ATL3: variants seen among roughly 807,000 people sequenced by gnomAD.
ATL3 encodes the protein atlastin-3.
In ATL3, 49 loss-of-function variants were observed where a neutral mutation model predicts 69.5. That is an observed-to-expected ratio of 0.71 (90% confidence interval 0.56 to 0.89). The LOEUF is 0.89. Among genes scored for constraint, ATL3 ranks in the 40% least tolerant of loss-of-function variants. ATL3 has a pLI of 0.00. For synonymous variants in ATL3, 214 were observed against 224.1 expected, an observed-to-expected ratio of 0.95 and a Z score of 0.40; for missense variants, 606 against 645.7, an observed-to-expected ratio of 0.94 and a Z score of 0.67.
At chr11:63,653,398 G>T (rs1424900322) in intron 3 of ATL3, among the ~76,000 whole-genome samples, 2 of 151,990 alleles carry the variant, frequency 1.3e-5, no homozygotes, top group African/African-American at 4.8e-5. Flanking sequence ...CCTGGAGGCA[G>T]AGGTTGCAGT....
chr11:63,637,993 CAT>C (rs1321965944), intron 8 of ATL3, among the ~76,000 whole-genome samples: 2 of 152,116 alleles, frequency 1.3e-5, no homozygotes, highest in East Asian at 1.9e-4. Context: ...AAATTTTAAA[CAT>C]GTGAATGTAT....
chr11:63,660,165 A>C (rs1298541245), intron 1 of ATL3, among the ~76,000 whole-genome samples: 1 of 152,170 alleles, frequency 6.6e-6, no homozygotes, highest in African/African-American at 2.4e-5. Flanking sequence ...GTTCACTTAA[A>C]GACTTCAATA....
intron 5 of ATL3, chr11:63,650,586 A>G (rs533841696): frequency 7.9e-5 from 12 of 152,316 alleles, no homozygotes; most frequent in African/African-American, 2.9e-4. Context: ...CAGCCTTGTC[A>G]TGTGAGACAA....
intron 10 of ATL3, among the ~76,000 whole-genome samples, chr11:63,635,314 G>A (rs948833601): frequency 2.0e-5 from 3 of 152,076 alleles, no homozygotes; most frequent in Non-Finnish European, 2.9e-5. Flanking sequence ...GCCCAGTGAG[G>A]AGAGGCCATT....
At chr11:63,671,184 C>T in intron 1 of ATL3, 106 bp downstream of exon 1, 2 of 1,446,392 alleles carry the variant, frequency 1.4e-6, no homozygotes, top group African/African-American at 1.5e-5. Context: ...GTCCCAGCCC[C>T]GGGACGAGGA....
intron 1 of ATL3, among the ~76,000 whole-genome samples, chr11:63,668,213 G>C (rs1363389184): frequency 6.6e-6 from 1 of 152,180 alleles, no homozygotes; most frequent in Non-Finnish European, 1.5e-5. Context: ...ACCCAAAACA[G>C]AGGCATACCA....
intron 1 of ATL3, among the ~76,000 whole-genome samples, chr11:63,659,969 T>G (rs1940372470): frequency 6.6e-6 from 1 of 151,848 alleles, no homozygotes; most frequent in African/African-American, 2.4e-5. Flanking sequence ...GCATGGAACA[T>G]GTATACATAT....
intron 3 of ATL3, among the ~76,000 whole-genome samples, chr11:63,657,350 G>C (rs1163385493): frequency 6.6e-6 from 1 of 152,152 alleles, no homozygotes; most frequent in African/African-American, 2.4e-5. Flanking sequence ...CTGTGGAGAG[G>C]CTCTATGCCC....
chr11:63,666,630 C>T (rs1940581335), intron 1 of ATL3, among the ~76,000 whole-genome samples: 1 of 148,870 alleles, frequency 6.7e-6, no homozygotes, highest in South Asian at 2.3e-4. Context: ...GGGTGGATCG[C>T]ACACCGTGCG....
chr11:63,655,314 C>A (rs557176818), intron 3 of ATL3, among the ~76,000 whole-genome samples: 1 of 152,250 alleles, frequency 6.6e-6, no homozygotes, highest in East Asian at 1.9e-4. Context: ...CCACGCCCAG[C>A]TAATGTTTGT....
chr11:63,659,925 G>A (rs1198702073), intron 1 of ATL3, among the ~76,000 whole-genome samples: 1 of 152,042 alleles, frequency 6.6e-6, no homozygotes, highest in Non-Finnish European at 1.5e-5. Context: ...TGACAGATAA[G>A]ACCCTGTCTC....
chr11:63,638,437 G>A (rs1367015406), intron 8 of ATL3, among the ~76,000 whole-genome samples: 3 of 152,110 alleles, frequency 2.0e-5, no homozygotes, highest in Admixed American at 6.6e-5. Flanking sequence ...TAGCGTGGTG[G>A]CCCGCACCTG....
At chr11:63,633,193 C>CT (rs1248917742) in intron 10 of ATL3, 96 bp from the exon 11 acceptor site, 2 of 978,986 alleles carry the variant, frequency 2.0e-6, no homozygotes, top group Non-Finnish European at 3.2e-6. Flanking sequence ...CCCATTCTTC[C>CT]TTTTTTATTA....
At chr11:63,657,399 C>T (rs1417742066) in intron 3 of ATL3, among the ~76,000 whole-genome samples, 5 of 152,132 alleles carry the variant, frequency 3.3e-5, no homozygotes, top group African/African-American at 9.7e-5. Context: ...GGCTAAGAAG[C>T]CCTACTGATA....
chr11:63,637,548 T>A (rs1465443130), intron 8 of ATL3: 3 of 152,166 alleles, frequency 2.0e-5, no homozygotes, highest in Non-Finnish European at 4.4e-5. Context: ...GGTGACAGAT[T>A]CTCTGCAGCT....
Position 63,627,362 on chromosome 11 carries a change from A to G in ATL3, c.*1957T>C, listed in dbSNP as rs1284615306. ...ACAAGCTGGAATTTTTCTAAAGTGT[A>G]ACAGCAGTGAATAAAATAGCAAGAA... On this transcript the variant is annotated 3_prime_UTR_variant, in exon 13 of 13. Transcript: ENST00000398868. The G allele has an allele frequency of 2.0e-5, 3 of 152,238 alleles. No homozygotes were observed. Among genetic ancestry groups the G allele is most frequent in the Non-Finnish European group, 4.4e-5 (3 of 68,034 alleles). 9.4% of individuals were successfully genotyped at this position (152,238 alleles called of 1,614,324 possible). A position where few individuals can be genotyped will look rare whatever the true frequency, so the allele number is the denominator to read the frequency against.
intron 1 of ATL3, among the ~76,000 whole-genome samples, chr11:63,665,100 C>T (rs1162584391): frequency 6.6e-6 from 1 of 152,120 alleles, no homozygotes; most frequent in African/African-American, 2.4e-5. Context: ...TCAATCCCAA[C>T]ACTGGAAGGC....
chr11:63,633,130 C>A (rs1291380823), intron 10 of ATL3, 33 bp from the exon 11 acceptor site: 6 of 1,573,186 alleles, frequency 3.8e-6, no homozygotes, highest in Non-Finnish European at 5.2e-6. Context: ...ACTGTAAATC[C>A]TTCCTCTTTT....
At position 63,633,717 on chromosome 11, in the gene ATL3, CA is replaced by C. The variant is rs755308089; in HGVS notation, c.1036-621del. Among the ~76,000 whole-genome samples, 128 of 41,292 alleles carry C rather than the reference CA, an allele frequency of 3.1e-3. 2 individuals are homozygous for C. The highest frequency in any genetic ancestry group is 0.018 in the Middle Eastern group (1 of 56). The allele number at this position is 41,292 out of a possible 152,430, so 27.1% of individuals were successfully genotyped here. On this transcript the variant is annotated intron_variant, in intron 10 of 12. Coordinates refer to ENST00000398868, the MANE Select transcript of ATL3 (RefSeq NM_015459.5). ...CCAACTTTAAGAAATAGATGTGAGT[CA>C]AAAAAAAAAAAAAAAGAAGAAGGAA...
Sources: allele counts gnomAD v4.1 joint callset (sites outside exome capture counted in the v4.1 genomes callset), GRCh38; gene constraint gnomAD v4.1.1; transcripts MANE v1.5; gene names NCBI Gene and HGNC (gene_info 2026-07-23, HGNC 2026-07-21).